The following HTR3B variants were observed in gnomAD, a reference collection of about 807,000 sequenced individuals.
The protein encoded by HTR3B is 5-hydroxytryptamine (serotonin) receptor 3B, ionotropic.
A neutral mutation model predicts 42.8 loss-of-function variants in HTR3B; 44 were observed. That is an observed-to-expected ratio of 1.03 (90% CI 0.81 to 1.32). The LOEUF (loss-of-function observed/expected upper bound fraction) is 1.32, where lower values mean the gene tolerates loss of function less well. Among genes scored for constraint, HTR3B ranks in the 40% most tolerant of loss-of-function variants. The pLI is 0.00. For synonymous variants in HTR3B, 203 were observed against 209.0 expected (o/e 0.97, Z 0.25); for missense variants, 527 against 536.5 (o/e 0.98, Z 0.17).
chr11:113,918,268 C>CGTGTGTGTGT (rs60519849), intron 2 of HTR3B, among the ~76,000 whole-genome samples: 1,979 of 146,974 alleles, frequency 0.013, 120 homozygotes, highest in Admixed American at 0.11. Flanking sequence ...TGTGTGTACT[C>CGTGTGTGTGT]GTGTGTGTGT....
upstream of HTR3B, chr11:113,904,776 C>T: frequency 1.6e-6 from 1 of 618,830 alleles, no homozygotes; most frequent in South Asian, 1.9e-5. Context: ...GCCTTTGGTC[C>T]CACTGAGTGT....
chr11:113,932,554 T>C, intron 5 of HTR3B, 96 bp downstream of exon 5: 1 of 1,103,112 alleles, frequency 9.1e-7, no homozygotes, highest in Non-Finnish European at 1.3e-6. Context: ...TTGCAGATAA[T>C]TGGCTATTTA....
intron 2 of HTR3B, among the ~76,000 whole-genome samples, chr11:113,909,709 G>A (rs1249817402): frequency 2.6e-5 from 4 of 152,296 alleles, no homozygotes; most frequent in Admixed American, 6.5e-5. Context: ...GAAGCTGGGT[G>A]TGGTGGCTCA....
At chr11:113,906,557 C>A (rs1949736088) in intron 1 of HTR3B, among the ~76,000 whole-genome samples, 1 of 152,194 alleles carries the variant, frequency 6.6e-6, no homozygotes, top group Non-Finnish European at 1.5e-5. Context: ...CTGGCTATTT[C>A]TGTCCAATAA....
intron 2 of HTR3B, among the ~76,000 whole-genome samples, chr11:113,915,171 A>G (rs994940167): frequency 3.3e-5 from 5 of 151,868 alleles, no homozygotes; most frequent in African/African-American, 1.2e-4. Context: ...CAAAGAGCCA[A>G]CTTTGGGCTT....
chr11:113,939,185 G>C (rs981497237), intron 6 of HTR3B, among the ~76,000 whole-genome samples: 1 of 152,108 alleles, frequency 6.6e-6, no homozygotes, highest in East Asian at 1.9e-4. Flanking sequence ...CTAGTTTTGC[G>C]ATTCTATAAG....
chr11:113,948,165 C>T lies in HTR3B; in HGVS notation c.*2028C>T, dbSNP rs1950193571. The stretch of plus-strand genomic sequence containing the variant: ...TGTCCATGCAAACCTCCACCTGTTT[C>T]CTTCCTCACTTCCTACTTTCTACTG... On this transcript the variant is annotated 3_prime_UTR_variant, in exon 9 of 9. Coordinates refer to ENST00000260191, the MANE Select transcript of HTR3B (RefSeq NM_006028.5). 6.6e-6 allele frequency among the ~76,000 whole-genome samples: 1 copy of T among 152,188 alleles called. No individual in the cohort carries two copies.
chr11:113,931,110 T>C (rs905037068), intron 2 of HTR3B, among the ~76,000 whole-genome samples: 5 of 152,108 alleles, frequency 3.3e-5, no homozygotes, highest in Admixed American at 1.3e-4. Context: ...AGTAACTAAT[T>C]AGAGTGGGAA....
chr11:113,909,217 G>T, intron 1 of HTR3B, 78 bp from the exon 2 acceptor site: 1 of 1,126,120 alleles, frequency 8.9e-7, no homozygotes, highest in Non-Finnish European at 1.3e-6. Context: ...AAGCCACCGA[G>T]TCCTGAACAG....
At chr11:113,903,386 T>C (rs1317545377), upstream of HTR3B, among the ~76,000 whole-genome samples, 1 of 152,054 alleles carries the variant, frequency 6.6e-6, no homozygotes, top group Non-Finnish European at 1.5e-5. Flanking sequence ...TGTATGAACA[T>C]GTGCAAACAC....
chr11:113,907,287 G>A (rs911475982), intron 1 of HTR3B, among the ~76,000 whole-genome samples: 1 of 152,160 alleles, frequency 6.6e-6, no homozygotes. Flanking sequence ...ATCAGTGTCT[G>A]TTGAAACATC....
Position 113,946,341 on chromosome 11 carries a change from T to C in HTR3B, c.*204T>C, listed in dbSNP as rs1565570036. ...CATAGTGAGACCACATCTCTACCAG[T>C]AAATAAATAAATAAATAAATAAATA... On this transcript the variant is annotated 3_prime_UTR_variant, in exon 9 of 9. Coordinates refer to ENST00000260191, the MANE Select transcript of HTR3B (RefSeq NM_006028.5). 2 of 48,478 alleles carry C rather than the reference T, an allele frequency of 4.1e-5. No homozygotes were observed. Among genetic ancestry groups the C allele is most frequent in the East Asian group, 7.2e-4 (2 of 2,772 alleles). 3.0% of individuals were successfully genotyped at this position (48,478 alleles called of 1,614,324 possible).
At chr11:113,931,714 A>G in intron 3 of HTR3B, 44 bp from the exon 4 acceptor site, 1 of 1,090,668 alleles carries the variant, frequency 9.2e-7, no homozygotes. Flanking sequence ...CGAAGTAGAT[A>G]TTGCCCCATT....
upstream of HTR3B, among the ~76,000 whole-genome samples, chr11:113,901,135 A>G (rs1372563410): frequency 6.6e-6 from 1 of 152,118 alleles, no homozygotes; most frequent in Non-Finnish European, 1.5e-5. Context: ...GAGGAGCAAT[A>G]CCAAACCTAA....
At chr11:113,939,217 C>T (rs1049818946) in intron 6 of HTR3B, among the ~76,000 whole-genome samples, 1 of 152,144 alleles carries the variant, frequency 6.6e-6, no homozygotes, top group African/African-American at 2.4e-5. Context: ...CAAGAGACGG[C>T]TTTGCTTTAT....
Position 113,944,704 on chromosome 11 carries a change from G to A in HTR3B, c.1039G>A (p.Asp347Asn), listed in dbSNP as rs767087971. Residue 347 changes from aspartate to asparagine, a missense_variant, in exon 8 of 9, where the codon GAT (aspartate) becomes AAT (asparagine). Coordinates refer to ENST00000260191, the MANE Select transcript of HTR3B (RefSeq NM_006028.5). ...CTTCTTGTGCCTTCGAGGGGACACC[G>A]ATGCTGACAGGCCTAGAGTGGAACC... ...QPFLCLRGDTDADRPRVEPRA... is the reference protein window; with the variant it reads ...QPFLCLRGDTNADRPRVEPRA... The A allele has an allele frequency of 6.8e-6, 11 of 1,614,008 alleles. No homozygotes were observed. Among genetic ancestry groups the A allele is most frequent in the African/African-American group, 6.7e-5 (5 of 74,916 alleles).
chr11:113,901,524 A>T (rs1490219137), upstream of HTR3B, among the ~76,000 whole-genome samples: 1 of 152,178 alleles, frequency 6.6e-6, no homozygotes, highest in Admixed American at 6.5e-5. Context: ...GAAAGATCTA[A>T]GCCAGCTGAC....
At chr11:113,939,430 G>A (rs1014561190) in intron 6 of HTR3B, among the ~76,000 whole-genome samples, 1 of 152,176 alleles carries the variant, frequency 6.6e-6, no homozygotes, top group African/African-American at 2.4e-5. Flanking sequence ...TAAACCAAGT[G>A]CAGGGCCCTT....
intron 8 of HTR3B, 94 bp from the exon 9 acceptor site, chr11:113,945,808 T>C (rs1473494434): frequency 8.0e-6 from 7 of 873,378 alleles, no homozygotes; most frequent in Non-Finnish European, 1.3e-5. Flanking sequence ...ACCTGCAACT[T>C]TCCTTGAAGG....
Sources: allele counts gnomAD v4.1 joint callset (sites outside exome capture counted in the v4.1 genomes callset), GRCh38; gene constraint gnomAD v4.1.1; transcripts MANE v1.5; gene names NCBI Gene and HGNC (gene_info 2026-07-23, HGNC 2026-07-21).